Variants in AP2B1 observed in about 807,000 individuals in gnomAD.
AP2B1 encodes AP-2 complex subunit beta.
In AP2B1, 23 loss-of-function variants were observed where a neutral mutation model predicts 102.0. The ratio of observed to expected loss-of-function variants is 0.23; its 90% CI spans 0.16 to 0.32. The LOEUF is 0.32. Ranked by LOEUF, AP2B1 falls within the 10% of genes least tolerant of loss-of-function variation. AP2B1 has a pLI of 1.00. For missense variants in AP2B1, 541 were observed against 1,157.4 expected, an observed-to-expected ratio of 0.47 and a Z score of 7.73; for synonymous variants, 381 against 421.2, an observed-to-expected ratio of 0.90 and a Z score of 1.17.
chr17:35,657,226 A>G (rs530700844), intron 13 of AP2B1, among the ~76,000 whole-genome samples: 2 of 152,278 alleles, frequency 1.3e-5, no homozygotes, highest in Non-Finnish European at 2.9e-5. Flanking sequence ...CATTTTGTAA[A>G]TGCTGATTTT....
chr17:35,662,067 T>C (rs888935679), intron 14 of AP2B1, among the ~76,000 whole-genome samples: 5 of 152,178 alleles, frequency 3.3e-5, no homozygotes, highest in African/African-American at 1.2e-4. Context: ...TAGTAGTGAC[T>C]CTCAACATTG....
At chr17:35,661,953 T>C (rs145979099) in intron 14 of AP2B1, among the ~76,000 whole-genome samples, 66 of 152,352 alleles carry the variant, frequency 4.3e-4, no homozygotes, top group African/African-American at 1.5e-3. Flanking sequence ...AGTAGAACTG[T>C]CACAGTCAGG....
chr17:35,652,897 C>T (rs1170065811), intron 13 of AP2B1, among the ~76,000 whole-genome samples: 1 of 152,154 alleles, frequency 6.6e-6, no homozygotes, highest in Non-Finnish European at 1.5e-5. Flanking sequence ...GTAGAGAATA[C>T]TCTGTGAAAG....
At chr17:35,707,913 G>T (rs782001880) in intron 18 of AP2B1, among the ~76,000 whole-genome samples, 1 of 152,196 alleles carries the variant, frequency 6.6e-6, no homozygotes, top group Non-Finnish European at 1.5e-5. Context: ...TTAGTTGACA[G>T]GTTAAAAGCA....
At chr17:35,660,132 A>G (rs1364181958) in intron 14 of AP2B1, 1 of 949,598 alleles carries the variant, frequency 1.1e-6, no homozygotes, top group East Asian at 1.2e-4. Context: ...ATTTTGTACA[A>G]GAGAGGGTTT....
At chr17:35,664,217 C>G (rs1474597726) in intron 14 of AP2B1, among the ~76,000 whole-genome samples, 1 of 152,134 alleles carries the variant, frequency 6.6e-6, no homozygotes, top group East Asian at 1.9e-4. Context: ...CAATACATTT[C>G]CTCCCTAGAA....
At chr17:35,629,150 G>A (rs1435724752) in intron 9 of AP2B1, among the ~76,000 whole-genome samples, 1 of 152,100 alleles carries the variant, frequency 6.6e-6, no homozygotes, top group Non-Finnish European at 1.5e-5. Flanking sequence ...GGTTCGCCAT[G>A]TTGGCTGGGC....
intron 3 of AP2B1, among the ~76,000 whole-genome samples, chr17:35,601,394 A>G (rs558844388): frequency 1.3e-5 from 2 of 152,236 alleles, no homozygotes; most frequent in Admixed American, 1.3e-4. Context: ...CAGTGGCGCA[A>G]TCTCGGCCCA....
intron 21 of AP2B1, 115 bp downstream of exon 21, chr17:35,717,464 C>A: frequency 8.6e-7 from 1 of 1,166,390 alleles, no homozygotes; most frequent in Non-Finnish European, 1.2e-6. Flanking sequence ...CTGAGATATA[C>A]AAAATAAGTA....
intron 14 of AP2B1, among the ~76,000 whole-genome samples, chr17:35,661,129 A>G (rs961802057): frequency 1.3e-5 from 2 of 152,168 alleles, no homozygotes; most frequent in African/African-American, 4.8e-5. Context: ...ACTGCTAACA[A>G]AGTATTGCCT....
chr17:35,708,520 G>T (rs1272207633), intron 18 of AP2B1, among the ~76,000 whole-genome samples: 1 of 152,006 alleles, frequency 6.6e-6, no homozygotes, highest in Non-Finnish European at 1.5e-5. Context: ...TGTATTGTGA[G>T]AAGAAAATTT....
At chr17:35,675,645 T>G (rs1420013217) in intron 17 of AP2B1, among the ~76,000 whole-genome samples, 3 of 151,698 alleles carry the variant, frequency 2.0e-5, no homozygotes, top group Non-Finnish European at 4.4e-5. Context: ...TTTTTTTTTT[T>G]TGTGGGGGGA....
At chr17:35,588,245 G>T (rs145930289) in intron 1 of AP2B1, among the ~76,000 whole-genome samples, 3 of 145,718 alleles carry the variant, frequency 2.1e-5, no homozygotes, top group Non-Finnish European at 4.5e-5. Context: ...GGTGGGGTGG[G>T]GGGGGACAGG....
Position 35,723,850 on chromosome 17 carries a change from A to G in AP2B1, c.*151A>G. 1 of 563,658 alleles carries G rather than the reference A, an allele frequency of 1.8e-6. No individual in the cohort carries two copies. The highest frequency in any genetic ancestry group is 2.5e-5 in the South Asian group (1 of 39,688). The allele number at this position is 563,658 out of a possible 1,614,324, so 34.9% of individuals were successfully genotyped here. On this transcript the variant is annotated 3_prime_UTR_variant, in exon 22 of 22. Transcript: ENST00000610402. ...GTCTAACCTGTGCTAACATTAGGGC[A>G]CAACCTGTTGGATAGTTTTAGCTTC...
intron 20 of AP2B1, among the ~76,000 whole-genome samples, chr17:35,716,091 C>T (rs1255689889): frequency 6.6e-6 from 1 of 152,146 alleles, no homozygotes. Context: ...CTCCAGGATC[C>T]CTTTGTTCAG....
At chr17:35,701,468 C>G (rs2076237347) in intron 18 of AP2B1, among the ~76,000 whole-genome samples, 1 of 152,178 alleles carries the variant, frequency 6.6e-6, no homozygotes, top group Non-Finnish European at 1.5e-5. Flanking sequence ...ATATTTTGTT[C>G]TTATGATAGT....
intron 17 of AP2B1, among the ~76,000 whole-genome samples, chr17:35,678,956 A>T (rs1015801677): frequency 9.4e-6 from 1 of 106,418 alleles, no homozygotes; most frequent in African/African-American, 3.4e-5. Context: ...GGTAGCTAGC[A>T]TTGTTGTTTG....
chr17:35,616,144 T>C (rs867258526), intron 5 of AP2B1, among the ~76,000 whole-genome samples: 314 of 3,148 alleles, frequency 0.1, 1 homozygote, highest in African/African-American at 0.33. Context: ...AAATATCTCT[T>C]TTTTTTTTTT....
intron 5 of AP2B1, among the ~76,000 whole-genome samples, chr17:35,611,173 C>G (rs2073851359): frequency 6.6e-6 from 1 of 152,114 alleles, no homozygotes; most frequent in African/African-American, 2.4e-5. Flanking sequence ...GCTTTTGATT[C>G]ACTGTTATTC....
Sources: gnomAD v4.1 joint callset for allele counts (sites outside exome capture counted in the v4.1 genomes callset) on GRCh38, gnomAD v4.1.1 for gene constraint, MANE v1.5 for transcripts, NCBI Gene and HGNC (gene_info 2026-07-23, HGNC 2026-07-21) for gene names.